Variants in PIR observed in about 807,000 individuals in gnomAD.
PIR encodes the protein pirin (iron-binding nuclear protein).
PIR carries 22 observed loss-of-function variants against 24.2 expected under a neutral mutation model. The ratio of observed to expected loss-of-function variants is 0.91; its 90% CI spans 0.65 to 1.30. The LOEUF (loss-of-function observed/expected upper bound fraction) is 1.30. Among genes scored for constraint, PIR ranks in the 50% most tolerant of loss-of-function variants. The probability of loss-of-function intolerance (pLI) is 0.00; values close to 1 mark genes in which losing one functional copy is unlikely to be tolerated. For missense variants in PIR, 220 were observed against 220.3 expected (o/e 1.00, Z 0.01); for synonymous variants, 80 against 79.6 (o/e 1.00, Z -0.03).
Position 15,484,306 on chromosome X carries a change from C to CTTTTTTTTTT in PIR, c.97-4495_97-4486dup, listed in dbSNP as rs1193474348. Among the ~76,000 whole-genome samples, 10 of 67,487 alleles carry CTTTTTTTTTT rather than the reference C, an allele frequency of 1.5e-4. 1 individual carries two copies. Among genetic ancestry groups the CTTTTTTTTTT allele is most frequent in the East Asian group, 1.1e-3 (2 of 1,874 alleles). The allele number at this position is 67,487 out of a possible 115,157, so 58.6% of individuals were successfully genotyped here. Reference sequence around the variant, plus strand: ...GAGCGGTAGATACAGTCTCAATTTTCTTTTTTTTTTTTTTTTTTTTTTTTT... The same window carrying CTTTTTTTTTT: ...GAGCGGTAGATACAGTCTCAATTTTCTTTTTTTTTTTTTTTTTTTTTTTTTTTTTTTTTTT... On this transcript the variant is annotated intron_variant, in intron 2 of 9. Transcript: ENST00000380420.
chrX:15,401,524 G>A (rs1229428775), intron 7 of PIR, among the ~76,000 whole-genome samples: 1 of 110,930 alleles, frequency 9.0e-6, no homozygotes, highest in Non-Finnish European at 1.9e-5. Context: ...TATGTTATTC[G>A]CCCATCTGGT....
chrX:15,416,783 T>C (rs1296317910), intron 6 of PIR, among the ~76,000 whole-genome samples: 2 of 110,606 alleles, frequency 1.8e-5, no homozygotes, highest in Non-Finnish European at 3.8e-5. Flanking sequence ...TTGCCCTATA[T>C]AGAGCCCCAT....
chrX:15,419,430 TACAG>T (rs1237910609), intron 6 of PIR, among the ~76,000 whole-genome samples: 3 of 90,167 alleles, frequency 3.3e-5, no homozygotes, highest in South Asian at 5.3e-4. Flanking sequence ...GAGAGAGAGA[TACAG>T]ACAGACAGAC....
intron 8 of PIR, among the ~76,000 whole-genome samples, chrX:15,395,733 G>A (rs1346440525): frequency 1.8e-5 from 2 of 112,489 alleles, no homozygotes; most frequent in African/African-American, 6.5e-5. Context: ...GTAATCTAAA[G>A]GGGACTTTCT....
chrX:15,390,502 T>C (rs1351038017), intron 8 of PIR, among the ~76,000 whole-genome samples: 1 of 111,906 alleles, frequency 8.9e-6, no homozygotes, highest in Non-Finnish European at 1.9e-5. Flanking sequence ...GAAGGAGAAC[T>C]TAAATTAAGA....
intron 8 of PIR, among the ~76,000 whole-genome samples, chrX:15,394,287 C>G (rs1352605048): frequency 8.9e-6 from 1 of 112,271 alleles, no homozygotes; most frequent in Non-Finnish European, 1.9e-5. Flanking sequence ...TCATCATGAA[C>G]TTTTACACTA....
chrX:15,395,080 G>T (rs1924085001), intron 8 of PIR, among the ~76,000 whole-genome samples: 1 of 111,828 alleles, frequency 8.9e-6, no homozygotes, highest in South Asian at 3.7e-4. Context: ...GATTGGCGCG[G>T]CACTGGGCAG....
intron 6 of PIR, among the ~76,000 whole-genome samples, chrX:15,416,146 C>T (rs878983133): frequency 5.4e-5 from 6 of 111,629 alleles, no homozygotes; most frequent in Admixed American, 9.5e-5. Flanking sequence ...CTCTGATTCA[C>T]GTTAATCACT....
chrX:15,465,796 C>CA (rs1480719552), intron 3 of PIR, among the ~76,000 whole-genome samples: 2 of 111,666 alleles, frequency 1.8e-5, no homozygotes, highest in Non-Finnish European at 3.8e-5. Context: ...AGGTGTACCT[C>CA]AAGGAGCTAT....
intron 8 of PIR, among the ~76,000 whole-genome samples, chrX:15,396,801 C>T (rs951865476): frequency 2.8e-4 from 30 of 107,868 alleles, no homozygotes; most frequent in Non-Finnish European, 4.6e-4. Flanking sequence ...AGTGCAGTGG[C>T]GCAATCTCGG....
rs188344505 is a variant in PIR, at chrX:15,411,231, T to C, written c.566-3681A>G. Among the ~76,000 whole-genome samples the C allele has an allele frequency of 7.1e-5, 8 of 112,238 alleles. No homozygotes were observed. In the East Asian group the frequency reaches 2.2e-3, roughly 31 times the overall value. The stretch of plus-strand genomic sequence containing the variant: ...ATGAGCTGGGAGGGAGGTCACATTT[T>C]CGTTCTGGCCTCCTAGGACAGTTAA... On this transcript the variant is annotated intron_variant, in intron 6 of 9. Coordinates refer to ENST00000380420, the MANE Select transcript of PIR (RefSeq NM_001018109.3).
chrX:15,455,934 G>A lies in PIR; in HGVS notation c.394C>T (p.Gln132Ter). 8.3e-7 allele frequency: 1 copy of A among 1,208,544 alleles called. No homozygotes were observed. Among genetic ancestry groups the A allele is most frequent in the African/African-American group, 1.7e-5 (1 of 57,738 alleles). ...GGGATTTCTTCACTTTTCAGTTCCTGGTACTGAGGCTCCACCATCTTCTCT... is the reference window on the plus strand; with the variant it reads ...GGGATTTCTTCACTTTTCAGTTCCTAGTACTGAGGCTCCACCATCTTCTCT... ...SSEKMVEPQYQELKSEEIPKP... is the reference protein window; with the variant it reads ...SSEKMVEPQY Residue 132 changes from glutamine (Q) to a stop codon, truncating the protein, a stop_gained, in exon 5 of 10, where the codon CAG (glutamine) becomes TAG (stop). Coordinates refer to ENST00000380420, the MANE Select transcript of PIR (RefSeq NM_001018109.3). LOFTEE classifies it high-confidence loss of function.
chrX:15,408,274 T>C (rs768670547), intron 6 of PIR, among the ~76,000 whole-genome samples: 1 of 111,792 alleles, frequency 8.9e-6, no homozygotes, highest in Non-Finnish European at 1.9e-5. Flanking sequence ...TTGTACTTAG[T>C]TGCATTCTAG....
At chrX:15,455,255 C>T (rs998048936) in intron 5 of PIR, among the ~76,000 whole-genome samples, 6 of 112,398 alleles carry the variant, frequency 5.3e-5, no homozygotes, top group African/African-American at 1.6e-4. Context: ...TAATCTTTAG[C>T]CTAAATTGAC....
chrX:15,465,290 C>T (rs1304418359), intron 3 of PIR, among the ~76,000 whole-genome samples: 4 of 108,176 alleles, frequency 3.7e-5, no homozygotes, highest in Admixed American at 9.9e-5. Context: ...AAAAAAAAAT[C>T]AGAAACCAAG....
chrX:15,404,345 A>G (rs1924490740), intron 7 of PIR, among the ~76,000 whole-genome samples: 2 of 112,217 alleles, frequency 1.8e-5, no homozygotes, highest in Admixed American at 1.9e-4. Context: ...TTTGTAGTCA[A>G]ACTAAATTTA....
Position 15,412,611 on chromosome X carries a change from A to G in PIR, c.566-5061T>C, listed in dbSNP as rs866432325. Among the ~76,000 whole-genome samples, 6 of 111,521 alleles carry G rather than the reference A, an allele frequency of 5.4e-5. No individual in the cohort carries two copies. In the South Asian group the frequency reaches 1.1e-3, roughly 21 times the overall value. On this transcript the variant is annotated intron_variant, in intron 6 of 9. Transcript: ENST00000380420. Reference sequence around the variant, plus strand: ...TAGAATCTCCACTTAAAATCCTTCAATGGCTCCCTGTTCTCCCAGGACAAG... The same window carrying G: ...TAGAATCTCCACTTAAAATCCTTCAGTGGCTCCCTGTTCTCCCAGGACAAG...
intron 2 of PIR, among the ~76,000 whole-genome samples, chrX:15,481,138 T>A (rs1217619620): frequency 1.8e-5 from 2 of 112,400 alleles, no homozygotes; most frequent in African/African-American, 6.5e-5. Context: ...AGAAGCTGCC[T>A]TGAAATAGCT....
At chrX:15,426,057 C>T in intron 5 of PIR, 67 bp from the exon 6 acceptor site, 1 of 711,111 alleles carries the variant, frequency 1.4e-6, no homozygotes, top group Non-Finnish European at 2.2e-6. Context: ...CTTCAGCTGG[C>T]CCTTCTGTAA....
Sources: allele counts gnomAD v4.1 joint callset (sites outside exome capture counted in the v4.1 genomes callset), GRCh38; gene constraint gnomAD v4.1.1; transcripts MANE v1.5; gene names NCBI Gene and HGNC (gene_info 2026-07-23, HGNC 2026-07-21).